Variants in MICU1 observed in about 807,000 individuals in gnomAD.
MICU1 encodes mitochondrial calcium uptake 1.
A neutral mutation model predicts 56.8 loss-of-function variants in MICU1; 45 were observed. That is an observed-to-expected ratio of 0.79 (90% CI 0.62 to 1.02). The LOEUF (loss-of-function observed/expected upper bound fraction) is 1.02. Ranked by LOEUF, MICU1 falls within the 50% of genes least tolerant of loss-of-function variation. The pLI, the probability that MICU1 is intolerant of heterozygous loss-of-function variation, is 0.00. For missense variants in MICU1, 504 were observed against 587.1 expected (o/e 0.86, Z 1.46); for synonymous variants, 186 against 195.1 (o/e 0.95, Z 0.39).
intron 10 of MICU1, among the ~76,000 whole-genome samples, chr10:72,388,727 A>T (rs1862971791): frequency 6.6e-6 from 1 of 152,216 alleles, no homozygotes; most frequent in Admixed American, 6.5e-5. Flanking sequence ...CTGTCTTCCC[A>T]ATGCTACTGT....
chr10:72,615,643 C>G (rs1463735499), intron 1 of MICU1, among the ~76,000 whole-genome samples: 3 of 152,136 alleles, frequency 2.0e-5, no homozygotes, highest in African/African-American at 7.2e-5. Flanking sequence ...TAGTTTCCAT[C>G]TCCGAAAGTT....
chr10:72,439,371 C>T (rs1332401565), intron 8 of MICU1, among the ~76,000 whole-genome samples: 2 of 152,176 alleles, frequency 1.3e-5, no homozygotes, highest in Non-Finnish European at 2.9e-5. Flanking sequence ...TAAGAACCCT[C>T]AATAAACTAG....
intron 3 of MICU1, among the ~76,000 whole-genome samples, chr10:72,555,140 G>A (rs1423962317): frequency 6.6e-6 from 1 of 152,182 alleles, no homozygotes; most frequent in African/African-American, 2.4e-5. Context: ...ATTTCAAAAT[G>A]AAGCAAAAAA....
intron 8 of MICU1, among the ~76,000 whole-genome samples, chr10:72,442,166 T>G (rs1252408341): frequency 2.0e-5 from 3 of 152,130 alleles, no homozygotes; most frequent in Admixed American, 1.3e-4. Context: ...TTTTTCTTTT[T>G]CTTTTTTTGA....
chr10:72,441,050 G>C (rs1864906150), intron 8 of MICU1, among the ~76,000 whole-genome samples: 1 of 152,136 alleles, frequency 6.6e-6, no homozygotes, highest in African/African-American at 2.4e-5. Context: ...CCATTACTGG[G>C]TATATACCCA....
At chr10:72,422,710 G>C (rs1864215329) in intron 9 of MICU1, among the ~76,000 whole-genome samples, 1 of 110,730 alleles carries the variant, frequency 9.0e-6, no homozygotes, top group Admixed American at 8.7e-5. Context: ...ACTCTCTTTA[G>C]GTATTCTTTT....
At chr10:72,611,219 C>T (rs1231285711) in intron 1 of MICU1, among the ~76,000 whole-genome samples, 6 of 151,422 alleles carry the variant, frequency 4.0e-5, no homozygotes, top group Non-Finnish European at 5.9e-5. Flanking sequence ...AGGAGAATGG[C>T]GGGAACCCGA....
At chr10:72,598,241 T>A (rs1304997520) in intron 1 of MICU1, among the ~76,000 whole-genome samples, 1 of 152,136 alleles carries the variant, frequency 6.6e-6, no homozygotes, top group African/African-American at 2.4e-5. Context: ...CTACTTAAAC[T>A]TCATCTTTCA....
chr10:72,430,764 T>C lies in MICU1; in HGVS notation c.934-7393A>G, dbSNP rs1466175383. On this transcript the variant is annotated intron_variant, in intron 8 of 11. Transcript: ENST00000361114. ...TTAGTGGAGACGTGGTTTCACTCCATTGGCAGGCTGGTCATGAACTCCTGA... is the reference window on the plus strand; with the variant it reads ...TTAGTGGAGACGTGGTTTCACTCCACTGGCAGGCTGGTCATGAACTCCTGA... 4.6e-5 allele frequency among the ~76,000 whole-genome samples: 7 copies of C among 152,214 alleles called. No individual in the cohort carries two copies. In the East Asian group the frequency reaches 9.7e-4, roughly 21 times the overall value.
chr10:72,507,561 G>A (rs1867295077), intron 6 of MICU1, among the ~76,000 whole-genome samples: 1 of 152,156 alleles, frequency 6.6e-6, no homozygotes, highest in Admixed American at 6.6e-5. Context: ...AGTTAATGAA[G>A]GATATAGTAG....
intron 8 of MICU1, among the ~76,000 whole-genome samples, chr10:72,470,615 T>C (rs1865920951): frequency 6.6e-6 from 1 of 152,146 alleles, no homozygotes; most frequent in East Asian, 1.9e-4. Flanking sequence ...GCATTTATGA[T>C]AGCAGACCCC....
chr10:72,571,165 A>G (rs1437047705), intron 1 of MICU1, among the ~76,000 whole-genome samples: 1 of 152,182 alleles, frequency 6.6e-6, no homozygotes, highest in Non-Finnish European at 1.5e-5. Flanking sequence ...GGAGTTCGAG[A>G]CCAGCCTGGC....
At chr10:72,444,115 CG>C (rs1310764303) in intron 8 of MICU1, among the ~76,000 whole-genome samples, 1 of 151,488 alleles carries the variant, frequency 6.6e-6, no homozygotes, top group Admixed American at 6.6e-5. Context: ...AGTAAACTAT[CG>C]CAAGAACAAA....
intron 5 of MICU1, among the ~76,000 whole-genome samples, chr10:72,512,449 G>A (rs1198270035): frequency 6.6e-6 from 1 of 152,044 alleles, no homozygotes; most frequent in African/African-American, 2.4e-5. Flanking sequence ...CCCAAATAAA[G>A]ATAACAAGGT....
chr10:72,609,472 C>T (rs1218419679), intron 1 of MICU1, among the ~76,000 whole-genome samples: 2 of 152,152 alleles, frequency 1.3e-5, no homozygotes, highest in South Asian at 2.1e-4. Flanking sequence ...CGGAGACTCA[C>T]GCCTGCAATC....
intron 2 of MICU1, among the ~76,000 whole-genome samples, chr10:72,563,774 C>T (rs1007226452): frequency 6.6e-6 from 1 of 152,134 alleles, no homozygotes; most frequent in Admixed American, 6.6e-5. Flanking sequence ...CCTTCCAGTA[C>T]AAAAACTAAA....
chr10:72,456,849 TTGTGTGTGTGTGTGTGTGTGTGTGTGTG>T (rs56262647), intron 8 of MICU1, among the ~76,000 whole-genome samples: 7,435 of 134,650 alleles, frequency 0.055, 651 homozygotes, highest in East Asian at 0.24. Flanking sequence ...CGGGCTCATT[TTGTGTGTGTGTGTGTGTGTGTGTGTGTG>T]TGTGTGTGTG....
chr10:72,619,856 A>T (rs1842062639), intron 1 of MICU1, among the ~76,000 whole-genome samples: 1 of 152,198 alleles, frequency 6.6e-6, no homozygotes, highest in Non-Finnish European at 1.5e-5. Flanking sequence ...AAAGGCATAA[A>T]GACACAAAAA....
chr10:72,406,915 C>T (rs911026454), intron 10 of MICU1, among the ~76,000 whole-genome samples: 1 of 152,156 alleles, frequency 6.6e-6, no homozygotes, highest in Admixed American at 6.6e-5. Flanking sequence ...GCATGAACCA[C>T]CATGCCTGAC....
Sources: allele counts gnomAD v4.1 joint callset (sites outside exome capture counted in the v4.1 genomes callset), GRCh38; gene constraint gnomAD v4.1.1; transcripts MANE v1.5; gene names NCBI Gene and HGNC (gene_info 2026-07-23, HGNC 2026-07-21).